The following GINS1 variants were observed in gnomAD, a reference collection of about 807,000 sequenced individuals.
GINS1 encodes the protein GINS complex subunit 1, also known as DNA replication complex GINS protein PSF1.
In GINS1, 26 loss-of-function variants were observed where a neutral mutation model predicts 34.9. The ratio of observed to expected loss-of-function variants is 0.74; its 90% CI spans 0.55 to 1.03. GINS1 has a LOEUF of 1.03. Ranked by LOEUF, GINS1 falls within the 50% of genes least tolerant of loss-of-function variation. The probability of loss-of-function intolerance (pLI) is 0.00; values close to 1 mark genes in which losing one functional copy is unlikely to be tolerated. For synonymous variants in GINS1, 97 were observed against 84.4 expected, an observed-to-expected ratio of 1.15 and a Z score of -0.82; for missense variants, 235 against 237.9, an observed-to-expected ratio of 0.99 and a Z score of 0.08.
Position 25,447,712 on chromosome 20 carries a change from A to G in GINS1, c.*1721A>G, listed in dbSNP as rs893714161. 4 of 152,238 alleles carry G rather than the reference A, an allele frequency of 2.6e-5. No individual in the cohort carries two copies. The highest frequency in any genetic ancestry group is 9.6e-5 in the African/African-American group (4 of 41,454). 9.4% of individuals were successfully genotyped at this position (152,238 alleles called of 1,614,324 possible). Reference sequence around the variant, plus strand: ...CTGTGTTGAACTCCTGAGCTAAAGCAATACACTTGCCTCGTCCTCCCCATG... The same window carrying G: ...CTGTGTTGAACTCCTGAGCTAAAGCGATACACTTGCCTCGTCCTCCCCATG... On this transcript the variant is annotated 3_prime_UTR_variant, in exon 7 of 7. Transcript: ENST00000262460.
rs1424009922 is a variant in GINS1 at position 25,413,804 on chromosome 20, A to G, written c.90A>G (p.Arg30=). The change falls in exon 2 of 7, where the codon AGA becomes AGG. Residue 30 remains arginine (R), a synonymous_variant. Coordinates refer to ENST00000262460, the MANE Select transcript of GINS1 (RefSeq NM_021067.5). Reference sequence around the variant, plus strand: ...ATATGTTCTAGGAGGATGGACTCAGACAAGTTCTGGAGGAGATGAAAGCTT... The same window carrying G: ...ATATGTTCTAGGAGGATGGACTCAGGCAAGTTCTGGAGGAGATGAAAGCTT... The part of the protein sequence containing the change: ...QLPAFNEDGL[R]QVLEEMKALY... 1 of 1,581,802 alleles carries G rather than the reference A, an allele frequency of 6.3e-7. No individual in the cohort carries two copies. The highest frequency in any genetic ancestry group is 8.7e-7 in the Non-Finnish European group (1 of 1,150,446).
At chr20:25,429,239 C>G (rs1320015586) in intron 5 of GINS1, among the ~76,000 whole-genome samples, 1 of 152,080 alleles carries the variant, frequency 6.6e-6, no homozygotes. Flanking sequence ...ATCCGCCCAC[C>G]TCAGCCTCCC....
intron 5 of GINS1, among the ~76,000 whole-genome samples, chr20:25,434,618 T>C (rs972938506): frequency 1.3e-5 from 2 of 152,190 alleles, no homozygotes; most frequent in African/African-American, 4.8e-5. Context: ...GGCTAATGTT[T>C]ACATTTTTTG....
chr20:25,439,348 C>T (rs2090470323), intron 5 of GINS1, among the ~76,000 whole-genome samples: 1 of 152,056 alleles, frequency 6.6e-6, no homozygotes, highest in African/African-American at 2.4e-5. Context: ...TAAATGACCC[C>T]AAAGAAATCC....
At chr20:25,445,583 G>A (rs1348807971) in intron 6 of GINS1, among the ~76,000 whole-genome samples, 7 of 152,104 alleles carry the variant, frequency 4.6e-5, no homozygotes, top group African/African-American at 1.4e-4. Context: ...TCCTGACCTC[G>A]TGATCCACCC....
intron 5 of GINS1, among the ~76,000 whole-genome samples, chr20:25,428,397 C>CTTTTTTTTTTTTTTT (rs544831869): frequency 1.5e-5 from 1 of 66,582 alleles, no homozygotes; most frequent in Non-Finnish European, 2.7e-5. Flanking sequence ...AGCATAATTT[C>CTTTTTTTTTTTTTTT]TTTTTTTTTT....
chr20:25,437,605 CCAT>C (rs2090460949), intron 5 of GINS1, among the ~76,000 whole-genome samples: 1 of 152,206 alleles, frequency 6.6e-6, no homozygotes, highest in Non-Finnish European at 1.5e-5. Context: ...TCCTACTCCA[CCAT>C]TTTACCTGAA....
At chr20:25,413,746 G>T (rs1555830928) in intron 1 of GINS1, 44 bp from the exon 2 acceptor site, 3 of 1,071,612 alleles carry the variant, frequency 2.8e-6, no homozygotes, top group Non-Finnish European at 2.9e-6. Flanking sequence ...CCACAGAATT[G>T]GTGGGGAAAT....
chr20:25,442,349 T>A (rs879807280), intron 6 of GINS1, among the ~76,000 whole-genome samples: 4 of 151,242 alleles, frequency 2.6e-5, no homozygotes, highest in Non-Finnish European at 5.9e-5. Flanking sequence ...TCTGTCTGTC[T>A]GTCTGTCTGT....
chr20:25,438,216 C>T lies in GINS1; in HGVS notation c.448-3486C>T, dbSNP rs1263978638. ...TAGCCATGAGTGTCCAGAGTCTATA[C>T]CTAAATGCCATTTCCCACTAAAGTA... On this transcript the variant is annotated intron_variant, in intron 5 of 6. Coordinates refer to ENST00000262460, the MANE Select transcript of GINS1 (RefSeq NM_021067.5). Among the ~76,000 whole-genome samples the T allele has an allele frequency of 4.6e-5, 7 of 151,756 alleles. 1 individual carries two copies. The East Asian group carries it at 1.4e-3, about 29-fold the overall frequency.
chr20:25,408,869 C>T, intron 1 of GINS1: 1 of 966,470 alleles, frequency 1.0e-6, no homozygotes, highest in Non-Finnish European at 1.2e-6. Context: ...ATTTCACTTA[C>T]GTCATAGAGC....
Position 25,418,215 on chromosome 20 carries a change from GTTTATAAA to G in GINS1, c.330+24_330+31del. On this transcript the variant is annotated intron_variant, in intron 4 of 6. Transcript: ENST00000262460. ...GAAGAAGTGAGTTAGCATTGTTCAA[GTTTATAAA>G]TTTTGAAAATGCTAAAGTTCTGGCA... The G allele has an allele frequency of 7.2e-7, 1 of 1,387,850 alleles. No homozygotes were observed. The highest frequency in any genetic ancestry group is 1.0e-6 in the Non-Finnish European group (1 of 972,152). The allele number at this position is 1,387,850 out of a possible 1,614,324, so 86.0% of individuals were successfully genotyped here. A position where few individuals can be genotyped will look rare whatever the true frequency, so the allele number is the denominator to read the frequency against.
At chr20:25,442,808 G>A (rs907142000) in intron 6 of GINS1, among the ~76,000 whole-genome samples, 11 of 151,494 alleles carry the variant, frequency 7.3e-5, no homozygotes, top group African/African-American at 2.4e-5. Flanking sequence ...AGTTTCACCA[G>A]TTGGCCAGGC....
rs768142110 is a variant in GINS1, at chr20:25,445,999, C to T, written c.*8C>T. The T allele has an allele frequency of 1.3e-6, 2 of 1,575,180 alleles. No homozygotes were observed. The highest frequency in any genetic ancestry group is 1.7e-6 in the Non-Finnish European group (2 of 1,146,396). ...GAGCACATCCTGTCATGACCATGCGCCGAGGCACTTCCAGGCTTCACTCAA... is the reference window on the plus strand; with the variant it reads ...GAGCACATCCTGTCATGACCATGCGTCGAGGCACTTCCAGGCTTCACTCAA... On this transcript the variant is annotated 3_prime_UTR_variant, in exon 7 of 7. Coordinates refer to ENST00000262460, the MANE Select transcript of GINS1 (RefSeq NM_021067.5).
rs1183552996 is a variant in GINS1, at chr20:25,424,981, G to GA, written c.331-227dup. Among the ~76,000 whole-genome samples, 3 of 152,282 alleles carry GA rather than the reference G, an allele frequency of 2.0e-5. No individual in the cohort carries two copies. The East Asian group carries it at 5.8e-4, about 29-fold the overall frequency. ...CCTAAGGTTTATTATTAAGTATGCT[G>GA]AAATGTAAGCTCTCTGAGAACAGAG... On this transcript the variant is annotated intron_variant, in intron 4 of 6. Transcript: ENST00000262460.
At chr20:25,428,750 G>A (rs2090408115) in intron 5 of GINS1, among the ~76,000 whole-genome samples, 1 of 151,742 alleles carries the variant, frequency 6.6e-6, no homozygotes, top group African/African-American at 2.4e-5. Context: ...CATTGTGAAT[G>A]GTTTTGACAC....
chr20:25,445,200 C>CT (rs1007112705), intron 6 of GINS1, among the ~76,000 whole-genome samples: 69 of 148,730 alleles, frequency 4.6e-4, no homozygotes, highest in Non-Finnish European at 6.7e-4. Flanking sequence ...TATAGTTTAA[C>CT]TTTTTTTTTT....
intron 4 of GINS1, 21 bp from the exon 5 acceptor site, chr20:25,425,190 T>C (rs1568803537): frequency 9.7e-7 from 1 of 1,026,926 alleles, no homozygotes; most frequent in Non-Finnish European, 1.5e-6. Context: ...TTTTGTCAAA[T>C]GATCATCTCT....
intron 5 of GINS1, among the ~76,000 whole-genome samples, chr20:25,432,316 CTT>C (rs956532896): frequency 1.4e-5 from 2 of 145,154 alleles, no homozygotes. Flanking sequence ...TCCTTTCTTT[CTT>C]TTTTTTTTTT....
Sources: allele counts gnomAD v4.1 joint callset (sites outside exome capture counted in the v4.1 genomes callset), GRCh38; gene constraint gnomAD v4.1.1; transcripts MANE v1.5; gene names NCBI Gene and HGNC (gene_info 2026-07-23, HGNC 2026-07-21).